GRM3: variants seen among roughly 807,000 people sequenced by gnomAD.
GRM3 encodes metabotropic glutamate receptor 3.
GRM3 carries 26 observed loss-of-function variants against 70.5 expected under a neutral mutation model. That is an observed-to-expected ratio of 0.37 (90% CI 0.27 to 0.51). The LOEUF (loss-of-function observed/expected upper bound fraction) is 0.51. Ranked by LOEUF, GRM3 falls within the 20% of genes least tolerant of loss-of-function variation. GRM3 has a pLI of 0.93. For missense variants in GRM3, 859 were observed against 1,123.8 expected (o/e 0.76, Z 3.37); for synonymous variants, 443 against 434.9 (o/e 1.02, Z -0.23).
At chr7:86,670,468 T>C (rs1199896561) in intron 1 of GRM3, among the ~76,000 whole-genome samples, 1 of 152,220 alleles carries the variant, frequency 6.6e-6, no homozygotes, top group East Asian at 1.9e-4. Flanking sequence ...TCCAGGAACA[T>C]GACCTTGGAA....
intron 1 of GRM3, among the ~76,000 whole-genome samples, chr7:86,736,459 T>A (rs1292188761): frequency 1.3e-5 from 2 of 152,134 alleles, no homozygotes; most frequent in Non-Finnish European, 2.9e-5. Context: ...CAAAAGAAAG[T>A]TACGTTTTGC....
Position 86,644,453 on chromosome 7 carries a change from G to A in GRM3, c.-560G>A, listed in dbSNP as rs1793402826. 2 of 342,744 alleles carry A rather than the reference G, an allele frequency of 5.8e-6. No individual in the cohort carries two copies. Among genetic ancestry groups the A allele is most frequent in the Non-Finnish European group, 1.1e-5 (2 of 174,400 alleles). 21.2% of individuals were successfully genotyped at this position (342,744 alleles called of 1,614,324 possible). Reference sequence around the variant, plus strand: ...AAAGTTGCTTCCGCGCCTAGGAAGTGGGTTTGCCTGATAAGAGAAGGAGGA... The same window carrying A: ...AAAGTTGCTTCCGCGCCTAGGAAGTAGGTTTGCCTGATAAGAGAAGGAGGA... On this transcript the variant is annotated 5_prime_UTR_variant, in exon 1 of 6. Transcript: ENST00000361669.
chr7:86,715,148 T>C (rs1286504859), intron 1 of GRM3, among the ~76,000 whole-genome samples: 2 of 152,038 alleles, frequency 1.3e-5, no homozygotes, highest in African/African-American at 4.8e-5. Flanking sequence ...TGTTTGTCAG[T>C]CACCCACATT....
intron 3 of GRM3, among the ~76,000 whole-genome samples, chr7:86,800,466 G>T (rs763308618): frequency 6.6e-6 from 1 of 152,172 alleles, no homozygotes; most frequent in Non-Finnish European, 1.5e-5. Context: ...TATCGCCACT[G>T]ATCCCACAGA....
At chr7:86,838,775 G>A (rs911991699) in intron 3 of GRM3, 64 bp from the exon 4 acceptor site, 1 of 821,156 alleles carries the variant, frequency 1.2e-6, no homozygotes, top group African/African-American at 1.7e-5. Flanking sequence ...TAAAGTAATT[G>A]ACTAATCACA....
intron 3 of GRM3, among the ~76,000 whole-genome samples, chr7:86,834,511 A>G (rs1798416089): frequency 6.6e-6 from 1 of 151,488 alleles, no homozygotes; most frequent in African/African-American, 2.4e-5. Flanking sequence ...TGGATGCAAT[A>G]TCTTCACTTA....
chr7:86,705,301 G>A (rs977942773), intron 1 of GRM3, among the ~76,000 whole-genome samples: 2 of 151,690 alleles, frequency 1.3e-5, no homozygotes, highest in African/African-American at 2.4e-5. Context: ...TCATTAAAGT[G>A]AAACACAAAG....
intron 1 of GRM3, among the ~76,000 whole-genome samples, chr7:86,650,504 C>G (rs1054525465): frequency 6.6e-6 from 1 of 152,052 alleles, no homozygotes; most frequent in Admixed American, 6.5e-5. Context: ...TCCCCAGGCT[C>G]AAGATCTTTC....
chr7:86,839,258 AC>A lies in GRM3; in HGVS notation c.1746del (p.Ile583LeufsTer13), dbSNP rs1200940830. 1 of 1,613,920 alleles carries A rather than the reference AC, an allele frequency of 6.2e-7. No homozygotes were observed. Among genetic ancestry groups the A allele is most frequent in the Admixed American group, 1.7e-5 (1 of 60,024 alleles). On this transcript the variant is annotated frameshift_variant, in exon 4 of 6. Transcript: ENST00000361669. LOFTEE classifies it high-confidence loss of function. This position sits in a 1 kb window ranked among gnomAD's most constrained non-coding sequence, Gnocchi z 4.5. ...AGACGCCTGGGCCATTGGCCCAGTC[AC>A]CATTGCCTGTCTGGGTTTTATGTGT... is the stretch of plus-strand genomic sequence containing the variant. ...WEDAWAIGPV[T>X]IACLGFMCTC...
rs547483233 is a variant in GRM3, at chr7:86,734,811, C to G, written c.-140-30195C>G. Among the ~76,000 whole-genome samples, 293 of 152,252 alleles carry G rather than the reference C, an allele frequency of 1.9e-3. 2 individuals are homozygous for G. Among genetic ancestry groups the G allele is most frequent in the Non-Finnish European group, 3.2e-3 (217 of 68,028 alleles). ...CTTCCATAGTCCCCTCCTCATCCTC[C>G]TCTATATTCCCCCTTCATCACATAC... On this transcript the variant is annotated intron_variant, in intron 1 of 5. Transcript: ENST00000361669.
Position 86,787,169 on chromosome 7 carries a change from T to A in GRM3, c.1324+53T>A, listed in dbSNP as rs181362118. On this transcript the variant is annotated intron_variant, in intron 3 of 5. Transcript: ENST00000361669. ...TCAGATGCAAACAAGTGAAATAAAATAGGAATCAAATGCCTCTGTGCCCAA... is the reference window on the plus strand; with the variant it reads ...TCAGATGCAAACAAGTGAAATAAAAAAGGAATCAAATGCCTCTGTGCCCAA... 484 of 1,454,724 alleles carry A rather than the reference T, an allele frequency of 3.3e-4. 4 individuals carry two copies. Among genetic ancestry groups the A allele is most frequent in the Non-Finnish European group, 2.6e-5 (28 of 1,070,342 alleles). The allele number at this position is 1,454,724 out of a possible 1,614,324, so 90.1% of individuals were successfully genotyped here.
At chr7:86,791,270 G>T (rs980867576) in intron 3 of GRM3, among the ~76,000 whole-genome samples, 2 of 152,136 alleles carry the variant, frequency 1.3e-5, no homozygotes, top group African/African-American at 4.8e-5. Flanking sequence ...AATTATAAAA[G>T]CAAGCAATCA....
intron 1 of GRM3, among the ~76,000 whole-genome samples, chr7:86,724,952 A>C (rs1006565045): frequency 1.3e-5 from 2 of 152,064 alleles, no homozygotes; most frequent in Non-Finnish European, 1.5e-5. Flanking sequence ...CAAACAAAAA[A>C]AATCTCCTGA....
chr7:86,839,164 G>A lies in GRM3; in HGVS notation c.1650G>A (p.Gly550=), dbSNP rs747567892. 6.2e-7 allele frequency: 1 copy of A among 1,614,040 alleles called. No individual in the cohort carries two copies. The highest frequency in any genetic ancestry group is 1.1e-5 in the South Asian group (1 of 91,080). ...ATGAGTTTACCTGTATGGATTGTGG[G>A]TCTGGACAGTGGCCCACTGCAGACC... The part of the protein sequence containing the change: ...LADEFTCMDC[G]SGQWPTADLT... The change falls in exon 4 of 6, where the codon GGG becomes GGA. Residue 550 remains glycine (G), a synonymous_variant. Transcript: ENST00000361669. This position sits in a 1 kb window ranked among gnomAD's most constrained non-coding sequence, Gnocchi z 4.5.
At chr7:86,812,381 A>G (rs998917090) in intron 3 of GRM3, among the ~76,000 whole-genome samples, 1 of 151,850 alleles carries the variant, frequency 6.6e-6, no homozygotes, top group Non-Finnish European at 1.5e-5. Context: ...GTGCTTGTGC[A>G]TTAAGAGACA....
chr7:86,662,744 A>G (rs1161247477), intron 1 of GRM3, among the ~76,000 whole-genome samples: 2 of 151,980 alleles, frequency 1.3e-5, no homozygotes, highest in Non-Finnish European at 2.9e-5. Context: ...TGAATTTCAT[A>G]TGAAACACAA....
chr7:86,814,570 C>T (rs577462886), intron 3 of GRM3, among the ~76,000 whole-genome samples: 2 of 151,844 alleles, frequency 1.3e-5, no homozygotes, highest in South Asian at 4.1e-4. Flanking sequence ...AGCTAACTGC[C>T]ATGGACTTTT....
At chr7:86,727,690 A>G (rs898301369) in intron 1 of GRM3, among the ~76,000 whole-genome samples, 2 of 152,206 alleles carry the variant, frequency 1.3e-5, no homozygotes, top group African/African-American at 4.8e-5. Context: ...CAAGTGAGAA[A>G]TATTTTAGCA....
intron 1 of GRM3, among the ~76,000 whole-genome samples, chr7:86,658,425 TC>T (rs1688402665): frequency 6.6e-6 from 1 of 152,122 alleles, no homozygotes; most frequent in Non-Finnish European, 1.5e-5. Flanking sequence ...CTGTGAAACT[TC>T]CTAGTGCACT....
Sources: gnomAD v4.1 joint callset for allele counts (sites outside exome capture counted in the v4.1 genomes callset) on GRCh38, gnomAD v4.1.1 for gene constraint, Gnocchi (gnomAD v3.1) non-coding constraint, MANE v1.5 for transcripts, NCBI Gene and HGNC (gene_info 2026-07-23, HGNC 2026-07-21) for gene names.